The following BAZ2B variants were observed in gnomAD, a reference collection of about 807,000 sequenced individuals.
The protein encoded by BAZ2B is bromodomain adjacent to zinc finger domain protein 2B.
Under a neutral mutation model 246.0 loss-of-function variants are expected in BAZ2B, and 91 were observed. That is an observed-to-expected ratio of 0.37 (90% confidence interval 0.31 to 0.44). BAZ2B has a LOEUF of 0.44. BAZ2B is among the 20% of genes least tolerant of loss of function. The probability of loss-of-function intolerance (pLI) is 1.00; values close to 1 mark genes in which losing one functional copy is unlikely to be tolerated. For missense variants in BAZ2B, 2,332 were observed against 2,533.7 expected (o/e 0.92, Z 1.71); for synonymous variants, 855 against 860.0 (o/e 0.99, Z 0.10).
intron 1 of BAZ2B, among the ~76,000 whole-genome samples, chr2:159,599,429 A>AC (rs1691546108): frequency 6.7e-6 from 1 of 150,220 alleles, no homozygotes; most frequent in Non-Finnish European, 1.5e-5. Flanking sequence ...GACCAGCCTG[A>AC]CCAACATGGA....
chr2:159,540,891 C>T (rs983038226), intron 2 of BAZ2B, among the ~76,000 whole-genome samples: 1 of 152,122 alleles, frequency 6.6e-6, no homozygotes, highest in Non-Finnish European at 1.5e-5. Context: ...CACCTGTTTA[C>T]TGAGAAGCAA....
intron 1 of BAZ2B, among the ~76,000 whole-genome samples, chr2:159,557,639 C>T (rs975219621): frequency 6.6e-6 from 1 of 152,144 alleles, no homozygotes; most frequent in Non-Finnish European, 1.5e-5. Flanking sequence ...AGAGGCCTTC[C>T]TTTACCACCA....
At position 159,325,841 on chromosome 2, in the gene BAZ2B, C is replaced by G; in HGVS notation, c.6021G>C (p.Lys2007Asn). ...KKTNESKKGK[K>N]VTLTGDTEDE... ...CTTCAGTATCTCCTGTTAAAGTTAC[C>G]TTCTTGCCTTTCTTTGACTCATTAG... The change falls in exon 35 of 37, where the codon AAG (lysine) becomes AAC (asparagine). Residue 2007 changes from lysine to asparagine, a missense_variant. Lys to Asn is a moderately conservative substitution (Grantham distance 94, BLOSUM62 0). Transcript: ENST00000392783. 6.2e-7 allele frequency: 1 copy of G among 1,607,838 alleles called. No homozygotes were observed. Among genetic ancestry groups the G allele is most frequent in the Non-Finnish European group, 8.5e-7 (1 of 1,178,394 alleles).
chr2:159,506,557 G>A (rs944874822), intron 2 of BAZ2B, among the ~76,000 whole-genome samples: 2 of 152,110 alleles, frequency 1.3e-5, no homozygotes, highest in Admixed American at 1.3e-4. Context: ...TACTTGGGCA[G>A]TAACTCCGCA....
chr2:159,629,720 T>C, the BAZ2B span, among the ~76,000 whole-genome samples: 10 of 152,296 alleles, frequency 6.6e-5, no homozygotes, highest in African/African-American at 2.2e-4. Flanking sequence ...AAATACCTAA[T>C]GTAGATGATG....
intron 5 of BAZ2B, among the ~76,000 whole-genome samples, chr2:159,447,445 T>C (rs1353117951): frequency 1.3e-5 from 2 of 152,204 alleles, no homozygotes; most frequent in Non-Finnish European, 2.9e-5. Flanking sequence ...TGTAAAACAC[T>C]TCAGTGAAAA....
At chr2:159,670,222 C>CG in the BAZ2B span, among the ~76,000 whole-genome samples, 20 of 152,160 alleles carry the variant, frequency 1.3e-4, no homozygotes, top group Non-Finnish European at 2.8e-4. Flanking sequence ...CCACCTGCCT[C>CG]GGCCTTCCCA....
chr2:159,569,134 A>C (rs1683321564), intron 1 of BAZ2B, among the ~76,000 whole-genome samples: 1 of 152,228 alleles, frequency 6.6e-6, no homozygotes, highest in Non-Finnish European at 1.5e-5. Flanking sequence ...AAACATAAGC[A>C]TTACATATTT....
the BAZ2B span, among the ~76,000 whole-genome samples, chr2:159,659,208 G>A: frequency 2.4e-4 from 37 of 152,262 alleles, no homozygotes; most frequent in African/African-American, 8.4e-4. Flanking sequence ...GAAGTTGCCT[G>A]TTTCAACATT....
chr2:159,545,355 C>T (rs558118808), intron 2 of BAZ2B, among the ~76,000 whole-genome samples: 2 of 152,274 alleles, frequency 1.3e-5, no homozygotes, highest in African/African-American at 4.8e-5. Flanking sequence ...CATTCTCTGT[C>T]GCCACTCTAC....
intron 27 of BAZ2B, among the ~76,000 whole-genome samples, chr2:159,356,237 G>A (rs1390869441): frequency 6.6e-6 from 1 of 152,224 alleles, no homozygotes; most frequent in Non-Finnish European, 1.5e-5. Context: ...AAGATCCACT[G>A]GCTTGAAATC....
chr2:159,365,965 T>C (rs1044187884), intron 27 of BAZ2B, among the ~76,000 whole-genome samples: 1 of 152,224 alleles, frequency 6.6e-6, no homozygotes, highest in Non-Finnish European at 1.5e-5. Context: ...TGCAAAGCTA[T>C]CACAATGTGG....
chr2:159,330,895 T>C (rs1351425453), intron 34 of BAZ2B, among the ~76,000 whole-genome samples: 1 of 152,080 alleles, frequency 6.6e-6, no homozygotes, highest in Admixed American at 6.6e-5. Context: ...AGATATTAGA[T>C]AGAACCAGAA....
At chr2:159,598,924 AATACATACATAC>A (rs929529341) in intron 1 of BAZ2B, among the ~76,000 whole-genome samples, 1 of 151,870 alleles carries the variant, frequency 6.6e-6, no homozygotes, top group Non-Finnish European at 1.5e-5. Flanking sequence ...CTGTCTCATA[AATACATACATAC>A]ATACATACAT....
chr2:159,591,162 T>C (rs1051679141), intron 1 of BAZ2B, among the ~76,000 whole-genome samples: 5 of 152,168 alleles, frequency 3.3e-5, no homozygotes, highest in African/African-American at 1.2e-4. Context: ...TTATAAACAT[T>C]TAAAAGTATA....
intron 3 of BAZ2B, among the ~76,000 whole-genome samples, chr2:159,476,771 A>G (rs146085414): frequency 1.9e-4 from 29 of 152,372 alleles, no homozygotes; most frequent in African/African-American, 6.7e-4. Flanking sequence ...TAAGAGAAAG[A>G]AGAATTACAA....
chr2:159,344,116 T>C (rs2067295966), intron 31 of BAZ2B, among the ~76,000 whole-genome samples: 2 of 151,610 alleles, frequency 1.3e-5, no homozygotes, highest in African/African-American at 2.4e-5. Context: ...TTGGTGGGAA[T>C]GTAAACTAGT....
the BAZ2B span, among the ~76,000 whole-genome samples, chr2:159,704,544 G>C: frequency 1.0e-4 from 14 of 139,026 alleles, no homozygotes; most frequent in African/African-American, 3.8e-4. Context: ...GTGCAATGGT[G>C]CAATCTCAGC....
chr2:159,618,467 C>T (rs914529697), upstream of BAZ2B, among the ~76,000 whole-genome samples: 1 of 152,044 alleles, frequency 6.6e-6, no homozygotes, highest in Non-Finnish European at 1.5e-5. Flanking sequence ...GTTCTATAAT[C>T]TCAAAATTTA....
Sources: allele counts gnomAD v4.1 joint callset (sites outside exome capture counted in the v4.1 genomes callset), GRCh38; gene constraint gnomAD v4.1.1; transcripts MANE v1.5; gene names NCBI Gene and HGNC (gene_info 2026-07-23, HGNC 2026-07-21).